PBX4: variants seen among roughly 807,000 people sequenced by gnomAD.
The protein encoded by PBX4 is PBX homeobox 4, also known as pre-B-cell leukemia transcription factor 4.
A neutral mutation model predicts 35.1 loss-of-function variants in PBX4; 26 were observed. The ratio of observed to expected loss-of-function variants is 0.74; its 90% CI spans 0.54 to 1.03. PBX4 has a LOEUF of 1.03. Among genes scored for constraint, PBX4 ranks in the 50% least tolerant of loss-of-function variants. The probability of loss-of-function intolerance (pLI) is 0.00; values close to 1 mark genes in which losing one functional copy is unlikely to be tolerated. For synonymous variants in PBX4, 199 were observed against 204.2 expected (o/e 0.97, Z 0.22); for missense variants, 448 against 504.3 (o/e 0.89, Z 1.07).
intron 2 of PBX4, among the ~76,000 whole-genome samples, chr19:19,593,258 AAGG>A (rs1236309873): frequency 6.6e-6 from 1 of 152,176 alleles, no homozygotes; most frequent in Non-Finnish European, 1.5e-5. Flanking sequence ...TCTTTACCAT[AAGG>A]CCTGCTGCAG....
rs890411643 is a variant in PBX4 at position 19,563,264 on chromosome 19, G to A, written c.1032+245C>T. On this transcript the variant is annotated intron_variant, in intron 7 of 7. Coordinates refer to ENST00000251203, the MANE Select transcript of PBX4 (RefSeq NM_025245.3). The surrounding 1 kb of genome is among the most constrained non-coding windows in gnomAD (Gnocchi z 5.1). ...CCTCCACAGCCAAAGCCCTCATCTT[G>A]GGGTTCATCCCCACTGACTGTTCCC... Among the ~76,000 whole-genome samples, 15 of 152,166 alleles carry A rather than the reference G, an allele frequency of 9.9e-5. No homozygotes were observed. Among genetic ancestry groups the A allele is most frequent in the Non-Finnish European group, 2.1e-4 (14 of 68,028 alleles).
intron 1 of PBX4, among the ~76,000 whole-genome samples, chr19:19,615,005 C>CA (rs200472992): frequency 2.1e-4 from 32 of 149,550 alleles, no homozygotes; most frequent in Admixed American, 2.0e-4. Flanking sequence ...ACTAAAAATA[C>CA]AAAAAAAAAT....
chr19:19,601,986 C>T (rs1366070009), intron 1 of PBX4, among the ~76,000 whole-genome samples: 2 of 152,110 alleles, frequency 1.3e-5, no homozygotes, highest in Non-Finnish European at 2.9e-5. Flanking sequence ...ACAAGAGGCA[C>T]GCACCAACAC....
At chr19:19,597,183 A>T (rs1392209641) in intron 2 of PBX4, among the ~76,000 whole-genome samples, 2 of 152,236 alleles carry the variant, frequency 1.3e-5, no homozygotes, top group Non-Finnish European at 2.9e-5. Flanking sequence ...ATTGCACTCC[A>T]GCCTGGGCAA....
intron 2 of PBX4, among the ~76,000 whole-genome samples, chr19:19,583,161 C>A (rs1272422075): frequency 6.6e-6 from 1 of 151,992 alleles, no homozygotes; most frequent in Non-Finnish European, 1.5e-5. Flanking sequence ...TTACTGTGAT[C>A]CCAGCTACTT....
At chr19:19,586,470 T>C (rs954590035) in intron 2 of PBX4, among the ~76,000 whole-genome samples, 3 of 152,060 alleles carry the variant, frequency 2.0e-5, no homozygotes, top group African/African-American at 7.2e-5. Context: ...AAAAATGATA[T>C]GCGGTTTAGG....
intron 2 of PBX4, among the ~76,000 whole-genome samples, chr19:19,579,557 G>A (rs377545314): frequency 6.6e-6 from 1 of 152,166 alleles, no homozygotes; most frequent in Admixed American, 6.5e-5. Flanking sequence ...ACTTGGCAGC[G>A]GGCTGTGCTC....
At chr19:19,587,512 C>T (rs1049863470) in intron 2 of PBX4, among the ~76,000 whole-genome samples, 8 of 148,144 alleles carry the variant, frequency 5.4e-5, no homozygotes, top group Non-Finnish European at 7.4e-5. Context: ...TGCTTGACCC[C>T]GGGAGGCAGA....
intron 5 of PBX4, among the ~76,000 whole-genome samples, chr19:19,567,984 A>G (rs1218866496): frequency 6.7e-6 from 1 of 149,076 alleles, no homozygotes; most frequent in Non-Finnish European, 1.5e-5. Context: ...TCCCTCAGGG[A>G]GCTCACACTC....
At position 19,618,565 on chromosome 19, in the gene PBX4, A is replaced by G; in HGVS notation, c.65T>C (p.Val22Ala). Reference sequence around the variant, plus strand: ...GGTGATGGCCATGATCTGCTGCAGGACGTCGCTCGTGTCGAGGCGCCGCGG... The same window carrying G: ...GGTGATGGCCATGATCTGCTGCAGGGCGTCGCTCGTGTCGAGGCGCCGCGG... ...PAPRRLDTSD[V>A]LQQIMAITDQ... The change falls in exon 1 of 8, where the codon GTC becomes GCC. Residue 22 changes from valine to alanine, a missense_variant. Physicochemically the swap from Val to Ala is moderately conservative, Grantham distance 64. Transcript: ENST00000251203. 1 of 1,385,926 alleles carries G rather than the reference A, an allele frequency of 7.2e-7. No individual in the cohort carries two copies. The highest frequency in any genetic ancestry group is 1.5e-5 in the African/African-American group (1 of 67,606). 85.9% of individuals were successfully genotyped at this position (1,385,926 alleles called of 1,614,324 possible).
At chr19:19,581,248 C>T (rs2061452391) in intron 2 of PBX4, among the ~76,000 whole-genome samples, 1 of 152,152 alleles carries the variant, frequency 6.6e-6, no homozygotes, top group African/African-American at 2.4e-5. Flanking sequence ...CCTTTCTTTT[C>T]CCCAGTAGTT....
chr19:19,614,357 G>A (rs778928392), intron 1 of PBX4, among the ~76,000 whole-genome samples: 27 of 150,640 alleles, frequency 1.8e-4, no homozygotes, highest in African/African-American at 6.1e-4. Context: ...AACATGGCCC[G>A]GCGCAGTGGC....
At chr19:19,615,024 C>T (rs979783868) in intron 1 of PBX4, among the ~76,000 whole-genome samples, 4 of 151,204 alleles carry the variant, frequency 2.6e-5, no homozygotes, top group African/African-American at 4.9e-5. Context: ...ATTAGCCAGG[C>T]GGTAGTGGCA....
At chr19:19,599,110 C>T (rs921025100) in intron 2 of PBX4, among the ~76,000 whole-genome samples, 182 bp downstream of exon 2, 20 of 151,814 alleles carry the variant, frequency 1.3e-4, no homozygotes, top group African/African-American at 4.3e-4. Context: ...CTGGGATTAC[C>T]GGCATGCGTC....
intron 1 of PBX4, among the ~76,000 whole-genome samples, chr19:19,608,956 A>C (rs1232847119): frequency 2.6e-5 from 4 of 152,176 alleles, no homozygotes; most frequent in Non-Finnish European, 5.9e-5. Flanking sequence ...TGCATTCCCA[A>C]GCCCAGCACC....
intron 1 of PBX4, among the ~76,000 whole-genome samples, chr19:19,616,277 C>T (rs1599387061): frequency 6.6e-6 from 1 of 152,112 alleles, no homozygotes; most frequent in East Asian, 1.9e-4. Flanking sequence ...CCCATTGCAA[C>T]TGGAATAAAT....
rs116791423 is a variant in PBX4, at chr19:19,564,960, C to A, written c.898G>T (p.Ala300Ser). The A allele has an allele frequency of 1.9e-5, 30 of 1,614,242 alleles. No homozygotes were observed. The Admixed American group carries it at 2.5e-4, about 13-fold the overall frequency. The stretch of plus-strand genomic sequence containing the variant: ...GAGCTAGGTGTTGACAGGCAGCTGG[C>A]GTGGTTCCCTGGGACCCCAACTTCC... Reference protein sequence around the residue: ...TTEVGVPGNHASCLSTPSSGS... With the variant: ...TTEVGVPGNHSSCLSTPSSGS... Residue 300 changes from alanine (A) to serine (S), a missense_variant, in exon 6 of 8, where the codon GCC (alanine) becomes TCC (serine). Transcript: ENST00000251203.
chr19:19,591,495 T>C (rs2061527758), intron 2 of PBX4, among the ~76,000 whole-genome samples: 1 of 152,232 alleles, frequency 6.6e-6, no homozygotes, highest in Non-Finnish European at 1.5e-5. Flanking sequence ...TGTGCGTTCC[T>C]ACAGCACAGC....
chr19:19,577,676 C>T (rs1025172039), intron 2 of PBX4, among the ~76,000 whole-genome samples: 4 of 151,634 alleles, frequency 2.6e-5, no homozygotes, highest in African/African-American at 7.3e-5. Context: ...CTGGCTGACA[C>T]GGTGAAACCC....
Sources: gnomAD v4.1 joint callset for allele counts (sites outside exome capture counted in the v4.1 genomes callset) on GRCh38, gnomAD v4.1.1 for gene constraint, Gnocchi (gnomAD v3.1) non-coding constraint, MANE v1.5 for transcripts, NCBI Gene and HGNC (gene_info 2026-07-23, HGNC 2026-07-21) for gene names.